KIF15: variants seen among roughly 807,000 people sequenced by gnomAD.
KIF15 encodes kinesin family member 15.
Under a neutral mutation model 190.6 loss-of-function variants are expected in KIF15, and 140 were observed. The ratio of observed to expected loss-of-function variants is 0.73; its 90% CI spans 0.64 to 0.84. The LOEUF (loss-of-function observed/expected upper bound fraction) is 0.84, where lower values mean the gene tolerates loss of function less well. Ranked by LOEUF, KIF15 falls within the 40% of genes least tolerant of loss-of-function variation. The pLI, the probability that KIF15 is intolerant of heterozygous loss-of-function variation, is 0.00. For synonymous variants in KIF15, 528 were observed against 551.3 expected, an observed-to-expected ratio of 0.96 and a Z score of 0.59; for missense variants, 1,372 against 1,584.4, an observed-to-expected ratio of 0.87 and a Z score of 2.28.
chr3:44,862,259 C>T, intron 6 of KIF15: 1 of 555,526 alleles, frequency 1.8e-6, no homozygotes, highest in Non-Finnish European at 2.3e-6. Context: ...CCTCGCCGGT[C>T]TGTCCCGCCG....
intron 6 of KIF15, among the ~76,000 whole-genome samples, chr3:44,866,838 A>G (rs1699327768): frequency 6.6e-6 from 1 of 152,176 alleles, no homozygotes; most frequent in South Asian, 2.1e-4. Context: ...CCCCCCAGAC[A>G]TCTGCAGGTC....
At chr3:44,828,449 A>C in intron 24 of KIF15, 149 bp downstream of exon 24, 1 of 570,296 alleles carries the variant, frequency 1.8e-6, no homozygotes, top group Non-Finnish European at 3.1e-6. Flanking sequence ...TTCATCCTCC[A>C]AGGTTCCTAG....
At chr3:44,814,610 C>T (rs1575632083) in intron 19 of KIF15, among the ~76,000 whole-genome samples, 1 of 152,144 alleles carries the variant, frequency 6.6e-6, no homozygotes, top group Admixed American at 6.6e-5. Flanking sequence ...TGTGTCTGCC[C>T]TTATATTAGG....
chr3:44,808,189 G>T (rs1252128477), intron 16 of KIF15, among the ~76,000 whole-genome samples: 1 of 152,126 alleles, frequency 6.6e-6, no homozygotes, highest in Non-Finnish European at 1.5e-5. Context: ...GCAGAATACT[G>T]CCAAATGTTT....
At chr3:44,784,346 T>C (rs1399927180) in intron 5 of KIF15, among the ~76,000 whole-genome samples, 1 of 152,032 alleles carries the variant, frequency 6.6e-6, no homozygotes, top group African/African-American at 2.4e-5. Context: ...CTACTTTTTT[T>C]TTTGTATTTT....
chr3:44,775,967 C>A (rs979485920), intron 3 of KIF15, among the ~76,000 whole-genome samples: 35 of 151,500 alleles, frequency 2.3e-4, no homozygotes, highest in African/African-American at 7.8e-4. Flanking sequence ...GTAGTCCTAG[C>A]TACTCGGGAG....
chr3:44,775,160 T>C, intron 2 of KIF15, 94 bp from the exon 3 acceptor site: 1 of 981,254 alleles, frequency 1.0e-6, no homozygotes, highest in Non-Finnish European at 1.5e-6. Flanking sequence ...GAGAAACTCA[T>C]TATAGAAACA....
At chr3:44,764,880 A>G (rs1705315557) in intron 1 of KIF15, among the ~76,000 whole-genome samples, 1 of 152,010 alleles carries the variant, frequency 6.6e-6, no homozygotes, top group Admixed American at 6.6e-5. Context: ...CAAATGATCC[A>G]CCCACCTTGG....
At chr3:44,826,010 A>G (rs748517518) in intron 20 of KIF15, 29 bp from the exon 21 acceptor site, 2 of 1,550,640 alleles carry the variant, frequency 1.3e-6, no homozygotes, top group South Asian at 2.4e-5. Flanking sequence ...ATGTTTATTT[A>G]CCATTTTTAA....
At chr3:44,781,988 A>T (rs1706187001) in intron 5 of KIF15, among the ~76,000 whole-genome samples, 1 of 151,976 alleles carries the variant, frequency 6.6e-6, no homozygotes, top group Non-Finnish European at 1.5e-5. Context: ...TGACTTACTT[A>T]AGGTTTTTTT....
At chr3:44,856,681 C>G (rs935715853), downstream of KIF15, among the ~76,000 whole-genome samples, 6 of 152,112 alleles carry the variant, frequency 3.9e-5, no homozygotes, top group African/African-American at 1.4e-4. Flanking sequence ...AAGCATTGCC[C>G]TGAGCGATAG....
intron 1 of KIF15, among the ~76,000 whole-genome samples, chr3:44,765,768 T>TTAGGAA (rs1441278428): frequency 2.0e-5 from 3 of 152,200 alleles, no homozygotes; most frequent in Admixed American, 6.5e-5. Flanking sequence ...GTATCTTGAA[T>TTAGGAA]GTCTTCCTAA....
At chr3:44,774,343 G>C in intron 1 of KIF15, 52 bp from the exon 2 acceptor site, 2 of 1,513,754 alleles carry the variant, frequency 1.3e-6, no homozygotes, top group East Asian at 4.5e-5. Flanking sequence ...GAGAAGAATA[G>C]GATTTCCATA....
At chr3:44,765,782 C>G (rs1360429681) in intron 1 of KIF15, among the ~76,000 whole-genome samples, 1 of 152,112 alleles carries the variant, frequency 6.6e-6, no homozygotes, top group African/African-American at 2.4e-5. Context: ...TTCCTAATTA[C>G]TTTCACTAAA....
chr3:44,801,296 T>A (rs1345884901), intron 11 of KIF15, among the ~76,000 whole-genome samples, 154 bp from the exon 12 acceptor site: 1 of 151,622 alleles, frequency 6.6e-6, no homozygotes, highest in Non-Finnish European at 1.5e-5. Flanking sequence ...CCTCCTAAAG[T>A]GCTGGGATTA....
intron 4 of KIF15, among the ~76,000 whole-genome samples, chr3:44,780,063 A>G (rs1706095050): frequency 7.0e-6 from 1 of 142,520 alleles, no homozygotes; most frequent in Non-Finnish European, 1.5e-5. Flanking sequence ...TCTTTAAAAT[A>G]CAACTTTTTT....
chr3:44,838,223 A>G, intron 26 of KIF15, 52 bp from the exon 27 acceptor site: 1 of 1,528,232 alleles, frequency 6.5e-7, no homozygotes, highest in Non-Finnish European at 8.8e-7. Flanking sequence ...TGATTTGGGA[A>G]TCCTTATTGG....
intron 4 of KIF15, among the ~76,000 whole-genome samples, 183 bp from the exon 5 acceptor site, chr3:44,780,702 A>G (rs1206242356): frequency 6.6e-6 from 1 of 152,222 alleles, no homozygotes; most frequent in African/African-American, 2.4e-5. Context: ...AACAGCAGTT[A>G]GCTCTTTGTA....
At chr3:44,810,359 C>T (rs993172304) in intron 16 of KIF15, among the ~76,000 whole-genome samples, 2 of 152,090 alleles carry the variant, frequency 1.3e-5, no homozygotes, top group African/African-American at 4.8e-5. Context: ...TCTGGGGATC[C>T]TCCTGCCTCA....
Sources: gnomAD v4.1 joint callset for allele counts (sites outside exome capture counted in the v4.1 genomes callset) on GRCh38, gnomAD v4.1.1 for gene constraint, MANE v1.5 for transcripts, NCBI Gene and HGNC (gene_info 2026-07-23, HGNC 2026-07-21) for gene names.